Variants in FCHSD1 observed in about 807,000 individuals in gnomAD.
FCHSD1 encodes the protein F-BAR and double SH3 domains protein 1.
A neutral mutation model predicts 101.3 loss-of-function variants in FCHSD1; 109 were observed. The observed-to-expected ratio is 1.08, with a 90% CI of 0.92 to 1.26. The LOEUF is 1.26. FCHSD1 is among the 50% of genes most tolerant of loss of function. The probability of loss-of-function intolerance (pLI) is 0.00; values close to 1 mark genes in which losing one functional copy is unlikely to be tolerated. For synonymous variants in FCHSD1, 291 were observed against 356.8 expected (o/e 0.82, Z 2.08); for missense variants, 820 against 895.8 (o/e 0.92, Z 1.08).
chr5:141,644,541 G>T, intron 16 of FCHSD1, 32 bp downstream of exon 16: 2 of 1,611,844 alleles, frequency 1.2e-6, no homozygotes, highest in Non-Finnish European at 1.7e-6. Flanking sequence ...TCCATACCCA[G>T]GGTCCTCTAA....
chr5:141,644,588 C>G lies in FCHSD1; in HGVS notation c.1627G>C (p.Gly543Arg). The stretch of plus-strand genomic sequence containing the variant: ...CCTTTCTTACCTGTGGGCTCTGCCC[C>G]GCAGGGATTGTCACTGTCTTGGCTG... ...ESSQDSDNPC[G>R]AEPTAFLAQA... The change falls in exon 16 of 20, where the codon GGG (glycine) becomes CGG (arginine). Residue 543 changes from glycine (G) to arginine (R), a missense_variant. Coordinates refer to ENST00000435817, the MANE Select transcript of FCHSD1 (RefSeq NM_033449.3). 10 of 1,613,984 alleles carry G rather than the reference C, an allele frequency of 6.2e-6. No individual in the cohort carries two copies. Among genetic ancestry groups the G allele is most frequent in the Non-Finnish European group, 8.5e-6 (10 of 1,179,876 alleles).
intron 7 of FCHSD1, 144 bp from the exon 8 acceptor site, chr5:141,648,240 A>C: frequency 2.0e-6 from 2 of 1,005,368 alleles, no homozygotes; most frequent in Non-Finnish European, 2.8e-6. Flanking sequence ...TGTTGCATAC[A>C]CACAACTCCT....
rs545259031 is a variant in FCHSD1, at chr5:141,649,075, C to T, written c.513-55G>A. 3.6e-5 allele frequency: 58 copies of T among 1,613,956 alleles called. 2 individuals carry two copies. The South Asian group carries it at 6.1e-4, about 17-fold the overall frequency. On this transcript the variant is annotated intron_variant, in intron 6 of 19. Coordinates refer to ENST00000435817, the MANE Select transcript of FCHSD1 (RefSeq NM_033449.3). The surrounding 1 kb of genome is among the most constrained non-coding windows in gnomAD (Gnocchi z 4.1). ...CACCCCAAGTGGGAGAATATGAGAT[C>T]AGAGTCAGGCCCAGCTTTGGTGACT...
intron 18 of FCHSD1, 166 bp downstream of exon 18, chr5:141,642,835 G>C (rs908232849): frequency 6.5e-6 from 4 of 614,730 alleles, no homozygotes; most frequent in Non-Finnish European, 1.1e-5. Context: ...GGAGATGACA[G>C]AGCGGGACCT....
In FCHSD1 at chr5:141,651,021, T is replaced by C; in HGVS notation, c.118A>G (p.Arg40Gly). The C allele has an allele frequency of 6.3e-7, 1 of 1,584,566 alleles. No individual in the cohort carries two copies. Among genetic ancestry groups the C allele is most frequent in the Non-Finnish European group, 8.6e-7 (1 of 1,164,480 alleles). The change falls in exon 2 of 20, where the codon AGA (arginine) becomes GGA (glycine). Residue 40 changes from arginine to glycine, a missense_variant and splice_region_variant. Transcript: ENST00000435817. ...AATGAAGGGGGTTGGGGGAGCTACCTGATGTCCTCCAGCAGATCCGCCTCC... is the reference window on the plus strand; with the variant it reads ...AATGAAGGGGGTTGGGGGAGCTACCCGATGTCCTCCAGCAGATCCGCCTCC... ...QREADLLEDI[R>G]SYSKQRAAIE... is the part of the protein sequence containing the mutation.
chr5:141,650,928 C>T lies in FCHSD1; in HGVS notation c.119+92G>A, dbSNP rs2099908307. On this transcript the variant is annotated intron_variant, in intron 2 of 19. Coordinates refer to ENST00000435817, the MANE Select transcript of FCHSD1 (RefSeq NM_033449.3). ...GATGGGTCGGCTGGGGAGCTCTTGG[C>T]CCCTGTTCCTCCACCCCAGCACATG... 1.3e-5 allele frequency: 16 copies of T among 1,260,004 alleles called. No homozygotes were observed. The Middle Eastern group carries it at 7.3e-4, about 58-fold the overall frequency. The allele number at this position is 1,260,004 out of a possible 1,614,324, so 78.1% of individuals were successfully genotyped here.
chr5:141,643,866 G>T (rs954813389), intron 17 of FCHSD1, among the ~76,000 whole-genome samples: 1 of 138,306 alleles, frequency 7.2e-6, no homozygotes, highest in Admixed American at 7.1e-5. Flanking sequence ...AAAAAAAGAA[G>T]AAGGCTTTAC....
chr5:141,646,821 CAA>C (rs1323808132), intron 10 of FCHSD1, 99 bp from the exon 11 acceptor site: 27 of 1,489,990 alleles, frequency 1.8e-5, no homozygotes, highest in Non-Finnish European at 2.3e-5. Flanking sequence ...AGGACAAGGA[CAA>C]AGAGAAAGGG....
intron 18 of FCHSD1, chr5:141,642,629 A>G: frequency 3.7e-6 from 2 of 543,264 alleles, no homozygotes; most frequent in South Asian, 2.5e-5. Context: ...TATTGGGAGG[A>G]CACCGTGAGA....
At position 141,648,092 on chromosome 5, in the gene FCHSD1, G is replaced by A; in HGVS notation, c.581C>T (p.Ser194Phe). Residue 194 changes from serine to phenylalanine, a missense_variant, in exon 8 of 20, where the codon TCC becomes TTC. Transcript: ENST00000435817. ...CTGGGAGTACTGGGCTGACTGGGCG[G>A]ACAGCTAGGAGGGTAAACTGATGTC... ...TSLQKLSTKL[S>F]AQSAQYSQQL... The A allele has an allele frequency of 6.2e-7, 1 of 1,611,028 alleles. No individual in the cohort carries two copies. The highest frequency in any genetic ancestry group is 8.5e-7 in the Non-Finnish European group (1 of 1,177,906).
rs1033815092 is a variant in FCHSD1 at position 141,640,780 on chromosome 5, C to T, written c.*718G>A. On this transcript the variant is annotated 3_prime_UTR_variant, in exon 20 of 20. Transcript: ENST00000435817. ...CTGCCCCCCAGCTGAGGGACCAGCT[C>T]TACTTCCACCTGGAGTTGCACAGTC... The T allele has an allele frequency of 9.7e-7, 1 of 1,033,708 alleles. No individual in the cohort carries two copies. Among genetic ancestry groups the T allele is most frequent in the Non-Finnish European group, 1.4e-6 (1 of 721,042 alleles). 64.0% of individuals were successfully genotyped at this position (1,033,708 alleles called of 1,614,324 possible).
In FCHSD1 at chr5:141,640,968, C is replaced by T. The variant is rs2099906817; in HGVS notation, c.*530G>A. On this transcript the variant is annotated 3_prime_UTR_variant, in exon 20 of 20. Transcript: ENST00000435817. ...CCGTGGTGGGCCCCTAAAGCAATAG[C>T]ACCGTAGGCCCCCTGCCCTCTTAGC... The T allele has an allele frequency of 4.2e-6, 2 of 479,860 alleles. No individual in the cohort carries two copies. Among genetic ancestry groups the T allele is most frequent in the Non-Finnish European group, 7.3e-6 (2 of 272,564 alleles). 29.7% of individuals were successfully genotyped at this position (479,860 alleles called of 1,614,324 possible). A position where few individuals can be genotyped will look rare whatever the true frequency, so the allele number is the denominator to read the frequency against.
Position 141,647,464 on chromosome 5 carries a change from G to A in FCHSD1, c.762C>T (p.His254=). 3.1e-6 allele frequency: 5 copies of A among 1,612,118 alleles called. No homozygotes were observed. The highest frequency in any genetic ancestry group is 4.2e-6 in the Non-Finnish European group (5 of 1,179,202). ...TGACCTCTGCGGCTTCCAGCTCAGT[G>A]TGGCTCAGGGAGGTCAGGGGGTCCC... ...HLRDPLTSLS[H]TELEAAEVIL... is the part of the protein sequence containing the mutation. The change falls in exon 9 of 20, where the codon CAC becomes CAT. Residue 254 remains histidine (H), a synonymous_variant. Transcript: ENST00000435817.
At chr5:141,651,152 C>G in intron 1 of FCHSD1, 35 bp from the exon 2 acceptor site, 1 of 1,539,736 alleles carries the variant, frequency 6.5e-7, no homozygotes, top group Non-Finnish European at 8.8e-7. Flanking sequence ...GACCCCAGCG[C>G]AAGGACCTAA....
At chr5:141,650,004 CA>C (rs2099908165) in intron 3 of FCHSD1, 50 bp from the exon 4 acceptor site, 1 of 1,496,902 alleles carries the variant, frequency 6.7e-7, no homozygotes, top group South Asian at 1.3e-5. Flanking sequence ...AGACCCACCC[CA>C]ACTGGCAGAA....
intron 18 of FCHSD1, chr5:141,642,357 A>T (rs907188218): frequency 7.4e-6 from 5 of 676,024 alleles, no homozygotes; most frequent in African/African-American, 1.8e-5. Flanking sequence ...AAAGGGGGCA[A>T]AGGTAGGAGT....
chr5:141,643,576 G>A (rs995294204), intron 17 of FCHSD1, among the ~76,000 whole-genome samples: 1 of 152,196 alleles, frequency 6.6e-6, no homozygotes, highest in Non-Finnish European at 1.5e-5. Flanking sequence ...TCGGCGGGGC[G>A]CAGTGGCTCA....
At position 141,649,454 on chromosome 5, in the gene FCHSD1, G is replaced by C. The variant is rs771293751; in HGVS notation, c.316C>G (p.Arg106Gly). Residue 106 changes from arginine to glycine, a missense_variant, in exon 5 of 20, where the codon CGA becomes GGA. Physicochemically the swap from Arg to Gly is moderately radical, Grantham distance 125 (BLOSUM62 -2). Coordinates refer to ENST00000435817, the MANE Select transcript of FCHSD1 (RefSeq NM_033449.3). The surrounding 1 kb of genome is among the most constrained non-coding windows in gnomAD (Gnocchi z 4.1). ...GTACCCCCTGCTAGGTCACGGTATC[G>C]GTCAGACGCCTGGAGTCGGGTTTGG... ...GGQTRLQASDRYRDLAGGTGR... is the reference protein window; with the variant it reads ...GGQTRLQASDGYRDLAGGTGR... The C allele has an allele frequency of 4.3e-6, 7 of 1,613,836 alleles. No homozygotes were observed. The East Asian group carries it at 1.6e-4, about 36-fold the overall frequency.
intron 7 of FCHSD1, 24 bp downstream of exon 7, chr5:141,648,933 C>A (rs374908641): frequency 5.0e-6 from 8 of 1,613,596 alleles, no homozygotes; most frequent in Non-Finnish European, 5.9e-6. Context: ...TCCCTGCCCC[C>A]ACTCATGCCC....
Sources: allele counts gnomAD v4.1 joint callset (sites outside exome capture counted in the v4.1 genomes callset), GRCh38; gene constraint gnomAD v4.1.1; non-coding constraint Gnocchi (gnomAD v3.1); transcripts MANE v1.5; gene names NCBI Gene and HGNC (gene_info 2026-07-23, HGNC 2026-07-21).